NYAP2: variants seen among roughly 807,000 people sequenced by gnomAD.
NYAP2 encodes the protein neuronal tyrosine-phosphorylated phosphoinositide-3-kinase adaptor 2.
Under a neutral mutation model 50.4 loss-of-function variants are expected in NYAP2, and 23 were observed. The observed-to-expected ratio is 0.46, with a 90% CI of 0.33 to 0.65. NYAP2 has a LOEUF of 0.65. NYAP2 is among the 30% of genes least tolerant of loss of function. The pLI is 0.02. For synonymous variants in NYAP2, 394 were observed against 365.2 expected (o/e 1.08, Z -0.90); for missense variants, 885 against 861.0 (o/e 1.03, Z -0.35).
At chr2:225,681,237 C>T in the NYAP2 span, among the ~76,000 whole-genome samples, 2 of 152,122 alleles carry the variant, frequency 1.3e-5, no homozygotes, top group Admixed American at 6.6e-5. Flanking sequence ...GTTTCAGGCT[C>T]ATAGCTGAGA....
intron 4 of NYAP2, among the ~76,000 whole-genome samples, chr2:225,564,642 A>G (rs1306251417): frequency 6.6e-6 from 1 of 151,918 alleles, no homozygotes; most frequent in Non-Finnish European, 1.5e-5. Flanking sequence ...CTGCATGGGG[A>G]TAATAGAACA....
chr2:225,657,389 CGTG>C (rs1279147838), downstream of NYAP2, among the ~76,000 whole-genome samples: 1 of 151,758 alleles, frequency 6.6e-6, no homozygotes, highest in Non-Finnish European at 1.5e-5. Flanking sequence ...GGATTATAGG[CGTG>C]AGCCACTGCG....
At chr2:225,603,549 C>T (rs529135925) in intron 5 of NYAP2, among the ~76,000 whole-genome samples, 1 of 152,220 alleles carries the variant, frequency 6.6e-6, no homozygotes, top group South Asian at 2.1e-4. Context: ...GCAATCTCCT[C>T]CTTCAGGATT....
chr2:225,489,866 G>T (rs1343234410), intron 3 of NYAP2, among the ~76,000 whole-genome samples: 1 of 152,162 alleles, frequency 6.6e-6, no homozygotes, highest in Non-Finnish European at 1.5e-5. Context: ...ATGGATTCCA[G>T]CACCAGCGTT....
At chr2:225,596,970 T>G (rs1692610359) in intron 5 of NYAP2, among the ~76,000 whole-genome samples, 1 of 152,206 alleles carries the variant, frequency 6.6e-6, no homozygotes, top group South Asian at 2.1e-4. Flanking sequence ...ACCTTCATTT[T>G]CATATCTTTG....
At chr2:225,588,498 T>C (rs1351549657) in intron 5 of NYAP2, among the ~76,000 whole-genome samples, 3 of 152,168 alleles carry the variant, frequency 2.0e-5, no homozygotes, top group African/African-American at 4.8e-5. Flanking sequence ...CAGTGATACC[T>C]AAAACATCAA....
intron 3 of NYAP2, among the ~76,000 whole-genome samples, chr2:225,421,682 A>G (rs1385382940): frequency 6.6e-6 from 1 of 152,200 alleles, no homozygotes; most frequent in African/African-American, 2.4e-5. Context: ...AAAAAACTCA[A>G]AGCTAAGATA....
At chr2:225,517,703 G>A (rs1690960731) in intron 4 of NYAP2, among the ~76,000 whole-genome samples, 1 of 152,044 alleles carries the variant, frequency 6.6e-6, no homozygotes, top group African/African-American at 2.4e-5. Flanking sequence ...ACTTCTAATA[G>A]GCCTGAATAA....
intron 3 of NYAP2, among the ~76,000 whole-genome samples, chr2:225,487,920 A>T (rs181995478): frequency 6.6e-6 from 1 of 152,156 alleles, no homozygotes; most frequent in African/African-American, 2.4e-5. Flanking sequence ...TCTATGTATG[A>T]TGGCACATCT....
At chr2:225,544,447 G>A in intron 4 of NYAP2, among the ~76,000 whole-genome samples, 1 of 151,642 alleles carries the variant, frequency 6.6e-6, no homozygotes, top group East Asian at 1.9e-4. Flanking sequence ...TGTTTAATTT[G>A]AGTTACCATG....
chr2:225,636,331 C>T (rs1412938034), intron 6 of NYAP2, among the ~76,000 whole-genome samples: 1 of 152,132 alleles, frequency 6.6e-6, no homozygotes, highest in Non-Finnish European at 1.5e-5. Flanking sequence ...TAATATTCAA[C>T]TTTTTAATAT....
chr2:225,667,575 A>T, the NYAP2 span, among the ~76,000 whole-genome samples: 1 of 152,160 alleles, frequency 6.6e-6, no homozygotes, highest in African/African-American at 2.4e-5. Context: ...AGTCAAGTCA[A>T]CAGAAATTTG....
intron 4 of NYAP2, among the ~76,000 whole-genome samples, chr2:225,538,301 C>T (rs1326174066): frequency 1.3e-5 from 2 of 152,326 alleles, no homozygotes; most frequent in Non-Finnish European, 2.9e-5. Flanking sequence ...AGCAGAGGTT[C>T]TCCATGAGGG....
chr2:225,471,324 T>A lies in NYAP2; in HGVS notation c.222-42047T>A, dbSNP rs114473491. ...CAGAATGGTTTGGATGAATTTTAAT[T>A]ATTTTACTGCTTAGAAAACCAGCTT... On this transcript the variant is annotated intron_variant, in intron 3 of 6. Coordinates refer to ENST00000636099, the Ensembl canonical transcript of NYAP2. 4.8e-3 allele frequency among the ~76,000 whole-genome samples: 724 copies of A among 152,384 alleles called. 6 individuals are homozygous for A. The highest frequency in any genetic ancestry group is 0.016 in the African/African-American group (674 of 41,594).
chr2:225,648,352 G>A (rs909991573), intron 6 of NYAP2, among the ~76,000 whole-genome samples: 2 of 151,566 alleles, frequency 1.3e-5, no homozygotes, highest in African/African-American at 2.4e-5. Flanking sequence ...GAGTGGATCC[G>A]ATCAGATGGA....
At chr2:225,638,149 C>A (rs979988115) in intron 6 of NYAP2, among the ~76,000 whole-genome samples, 1 of 102,806 alleles carries the variant, frequency 9.7e-6, no homozygotes. Context: ...TAAACAGACT[C>A]GTGTGTTTGT....
exon 5 of NYAP2, chr2:225,583,013 G>T: frequency 6.2e-7 from 1 of 1,611,596 alleles, no homozygotes; most frequent in Admixed American, 1.7e-5. Flanking sequence ...CCAGTGGCCG[G>T]CGCTCCAAAG....
At chr2:225,569,742 T>A (rs565712852) in intron 4 of NYAP2, among the ~76,000 whole-genome samples, 6 of 152,318 alleles carry the variant, frequency 3.9e-5, no homozygotes, top group African/African-American at 1.4e-4. Flanking sequence ...TGGTTCAAGA[T>A]CATGATAGGA....
At chr2:225,416,206 T>C (rs1441895567) in intron 3 of NYAP2, among the ~76,000 whole-genome samples, 6 of 152,170 alleles carry the variant, frequency 3.9e-5, no homozygotes, top group Non-Finnish European at 5.9e-5. Context: ...TGCATCCAGA[T>C]TTTCTTCCTC....
Sources: allele counts gnomAD v4.1 joint callset (sites outside exome capture counted in the v4.1 genomes callset), GRCh38; gene constraint gnomAD v4.1.1; transcripts MANE v1.5; gene names NCBI Gene and HGNC (gene_info 2026-07-23, HGNC 2026-07-21).